The following NARS2 variants were observed in gnomAD, a reference collection of about 807,000 sequenced individuals.
The protein encoded by NARS2 is asparaginyl-tRNA synthetase.
In NARS2, 60 loss-of-function variants were observed where a neutral mutation model predicts 62.9. That is an observed-to-expected ratio of 0.95 (90% CI 0.77 to 1.18). NARS2 has a LOEUF of 1.18. Ranked by LOEUF, NARS2 falls within the 50% of genes most tolerant of loss-of-function variation. NARS2 has a pLI of 0.00. For synonymous variants in NARS2, 196 were observed against 200.0 expected, an observed-to-expected ratio of 0.98 and a Z score of 0.17; for missense variants, 619 against 576.4, an observed-to-expected ratio of 1.07 and a Z score of -0.76.
At chr11:78,502,494 A>G (rs1487164879) in intron 6 of NARS2, among the ~76,000 whole-genome samples, 1 of 152,202 alleles carries the variant, frequency 6.6e-6, no homozygotes, top group Non-Finnish European at 1.5e-5. Flanking sequence ...TTCAAATACA[A>G]TCACATAGGG....
intron 12 of NARS2, among the ~76,000 whole-genome samples, chr11:78,441,344 A>G (rs1374029491): frequency 6.6e-6 from 1 of 152,224 alleles, no homozygotes; most frequent in Non-Finnish European, 1.5e-5. Flanking sequence ...AATGTTATAG[A>G]AAGAAAATAT....
At chr11:78,554,509 G>A (rs189180395) in intron 5 of NARS2, among the ~76,000 whole-genome samples, 2 of 9,382 alleles carry the variant, frequency 2.1e-4, no homozygotes, top group East Asian at 2.3e-3. Context: ...GCGTGTGTGC[G>A]TGTGTGTGTG....
At chr11:78,473,917 C>T (rs372982349) in intron 9 of NARS2, among the ~76,000 whole-genome samples, 2 of 152,136 alleles carry the variant, frequency 1.3e-5, no homozygotes, top group African/African-American at 2.4e-5. Context: ...CTCATGTCAT[C>T]TCATTGCTGT....
intron 6 of NARS2, among the ~76,000 whole-genome samples, chr11:78,506,181 T>G (rs115764424): frequency 0.011 from 1,648 of 152,318 alleles, 36 homozygotes; most frequent in African/African-American, 0.039. Context: ...ATGACTATAA[T>G]TAAAAATACG....
chr11:78,496,348 A>G (rs10899527), intron 6 of NARS2, among the ~76,000 whole-genome samples: 114,398 of 151,986 alleles, frequency 0.75, 43,474 homozygotes, highest in Non-Finnish European at 0.82. Context: ...TGGGCCAAGC[A>G]CTAAATGGAC....
intron 12 of NARS2, 74 bp downstream of exon 12, chr11:78,443,587 T>TA (rs1857648813): frequency 2.9e-6 from 3 of 1,025,518 alleles, no homozygotes; most frequent in Non-Finnish European, 4.5e-6. Context: ...TTCACTCTGT[T>TA]ACTATGCAAT....
intron 5 of NARS2, among the ~76,000 whole-genome samples, chr11:78,530,924 A>C (rs1359996374): frequency 6.6e-6 from 1 of 152,132 alleles, no homozygotes; most frequent in Non-Finnish European, 1.5e-5. Flanking sequence ...ATACTACCTT[A>C]CTATAAATTA....
At chr11:78,528,781 G>T in intron 6 of NARS2, 61 bp downstream of exon 6, 1 of 1,068,426 alleles carries the variant, frequency 9.4e-7, no homozygotes, top group South Asian at 1.3e-5. Flanking sequence ...AGCATGGGAA[G>T]GGAAGCACTC....
At chr11:78,520,994 G>C (rs896714267) in intron 6 of NARS2, among the ~76,000 whole-genome samples, 4 of 150,530 alleles carry the variant, frequency 2.7e-5, no homozygotes, top group Non-Finnish European at 5.9e-5. Context: ...AGACGCAGGG[G>C]TTGCAGTGAG....
At chr11:78,475,517 C>T (rs1034839022) in intron 9 of NARS2, among the ~76,000 whole-genome samples, 1 of 151,608 alleles carries the variant, frequency 6.6e-6, no homozygotes, top group African/African-American at 2.4e-5. Flanking sequence ...ATTTACATTG[C>T]CACTAACAGT....
In NARS2 at chr11:78,435,978, A is replaced by G. The variant is rs1193175046; in HGVS notation, c.*692T>C. ...CTTTTTTTCCATAGGTGTCTATTAAAAAAATCTATTTTATTAGACAAATTA... is the reference window on the plus strand; with the variant it reads ...CTTTTTTTCCATAGGTGTCTATTAAGAAAATCTATTTTATTAGACAAATTA... On this transcript the variant is annotated 3_prime_UTR_variant, in exon 14 of 14. Coordinates refer to ENST00000281038, the MANE Select transcript of NARS2 (RefSeq NM_024678.6). 6.6e-6 allele frequency: 1 copy of G among 152,226 alleles called. No homozygotes were observed. Among genetic ancestry groups the G allele is most frequent in the Non-Finnish European group, 1.5e-5 (1 of 68,036 alleles). 9.4% of individuals were successfully genotyped at this position (152,226 alleles called of 1,614,324 possible).
chr11:78,533,833 C>G (rs764777034), intron 5 of NARS2, among the ~76,000 whole-genome samples: 1 of 152,216 alleles, frequency 6.6e-6, no homozygotes, highest in Non-Finnish European at 1.5e-5. Flanking sequence ...CCCCTGGAAA[C>G]CATGATCTTT....
rs1856089369 is a variant in NARS2 at position 78,551,130 on chromosome 11, A to C, written c.594+8409T>G. ...GGGGTGATAAAAATGTCCTCAAATT[A>C]GACCGTGGTGATTGGCTGTACAACC... On this transcript the variant is annotated intron_variant, in intron 5 of 13. Coordinates refer to ENST00000281038, the MANE Select transcript of NARS2 (RefSeq NM_024678.6). Among the ~76,000 whole-genome samples the C allele has an allele frequency of 2.6e-5, 4 of 152,220 alleles. No individual in the cohort carries two copies. The South Asian group carries it at 8.3e-4, about 31-fold the overall frequency.
chr11:78,476,803 T>C (rs1257475936), intron 9 of NARS2, among the ~76,000 whole-genome samples: 1 of 152,094 alleles, frequency 6.6e-6, no homozygotes, highest in African/African-American at 2.4e-5. Context: ...AAGAGTTAAG[T>C]GACATGTAAG....
At chr11:78,440,655 C>A (rs1857548554) in intron 13 of NARS2, among the ~76,000 whole-genome samples, 1 of 151,998 alleles carries the variant, frequency 6.6e-6, no homozygotes, top group Non-Finnish European at 1.5e-5. Context: ...GCCTCAGCCT[C>A]CCAAGTAGGT....
At chr11:78,441,331 A>C (rs746901253) in intron 12 of NARS2, among the ~76,000 whole-genome samples, 2 of 152,240 alleles carry the variant, frequency 1.3e-5, no homozygotes, top group Non-Finnish European at 2.9e-5. Flanking sequence ...GGTTTACACA[A>C]TAAATGTTAT....
At chr11:78,524,049 C>T (rs6592785) in intron 6 of NARS2, among the ~76,000 whole-genome samples, 113,110 of 151,848 alleles carry the variant, frequency 0.74, 42,619 homozygotes, top group Non-Finnish European at 0.81. Context: ...TTTAAATTCT[C>T]CTGAAAATTT....
At chr11:78,439,044 CT>C (rs1380009861) in intron 13 of NARS2, among the ~76,000 whole-genome samples, 4 of 146,228 alleles carry the variant, frequency 2.7e-5, no homozygotes, top group South Asian at 2.2e-4. Context: ...CTGTATTTAG[CT>C]TTTTTTTTTG....
chr11:78,491,463 A>G (rs751106737), intron 7 of NARS2, among the ~76,000 whole-genome samples: 2 of 152,248 alleles, frequency 1.3e-5, no homozygotes, highest in Admixed American at 6.5e-5. Flanking sequence ...TTTATAGTTG[A>G]GTGCTTCATC....
Sources: gnomAD v4.1 joint callset for allele counts (sites outside exome capture counted in the v4.1 genomes callset) on GRCh38, gnomAD v4.1.1 for gene constraint, MANE v1.5 for transcripts, NCBI Gene and HGNC (gene_info 2026-07-23, HGNC 2026-07-21) for gene names.